The following PTPRK variants were observed in gnomAD, a reference collection of about 807,000 sequenced individuals.
PTPRK encodes the protein receptor-type tyrosine-protein phosphatase kappa.
PTPRK carries 75 observed loss-of-function variants against 178.0 expected under a neutral mutation model. The observed-to-expected ratio is 0.42, with a 90% confidence interval of 0.35 to 0.51. The LOEUF (loss-of-function observed/expected upper bound fraction) is 0.51, where lower values mean the gene tolerates loss of function less well. Among genes scored for constraint, PTPRK ranks in the 20% least tolerant of loss-of-function variants. The pLI, the probability that PTPRK is intolerant of heterozygous loss-of-function variation, is 0.02. For missense variants in PTPRK, 1,441 were observed against 1,797.8 expected (o/e 0.80, Z 3.59); for synonymous variants, 637 against 620.6 (o/e 1.03, Z -0.39).
At chr6:128,450,216 T>A (rs1847610274) in intron 1 of PTPRK, among the ~76,000 whole-genome samples, 1 of 152,122 alleles carries the variant, frequency 6.6e-6, no homozygotes, top group Non-Finnish European at 1.5e-5. Flanking sequence ...GCCACCTGCT[T>A]AAACCATATT....
In PTPRK at chr6:128,030,758, T is replaced by C. The variant is rs532002257; in HGVS notation, c.2195-21490A>G. Among the ~76,000 whole-genome samples, 5 of 152,194 alleles carry C rather than the reference T, an allele frequency of 3.3e-5. No homozygotes were observed. The East Asian group carries it at 5.8e-4, about 18-fold the overall frequency. On this transcript the variant is annotated intron_variant, in intron 13 of 29. Coordinates refer to ENST00000368226, the MANE Select transcript of PTPRK (RefSeq NM_002844.4). ...TTGTGCACATCAGGCTTGCTTTTTT[T>C]CCCCCAAGTCAGAAATCAAGTTCAA...
intron 6 of PTPRK, among the ~76,000 whole-genome samples, chr6:128,208,342 T>C (rs536919433): frequency 7.3e-4 from 110 of 150,804 alleles, no homozygotes; most frequent in African/African-American, 2.2e-3. Context: ...CTTTAAAACA[T>C]TGATGTAGGA....
chr6:127,998,537 T>G (rs973628235), intron 16 of PTPRK, among the ~76,000 whole-genome samples, 183 bp downstream of exon 16: 1 of 151,978 alleles, frequency 6.6e-6, no homozygotes, highest in Non-Finnish European at 1.5e-5. Context: ...GGGAAGTGCT[T>G]TTTTCCCCAT....
At chr6:128,169,673 C>T (rs1253760804) in intron 7 of PTPRK, among the ~76,000 whole-genome samples, 1 of 151,888 alleles carries the variant, frequency 6.6e-6, no homozygotes, top group African/African-American at 2.4e-5. Context: ...ACACAAATAA[C>T]TTTAATGGCT....
At chr6:128,357,713 T>A (rs1266864794) in intron 2 of PTPRK, among the ~76,000 whole-genome samples, 1 of 152,268 alleles carries the variant, frequency 6.6e-6, no homozygotes, top group Non-Finnish European at 1.5e-5. Flanking sequence ...TCTTTGTTTT[T>A]CAAAATGATA....
At chr6:128,119,788 C>A (rs1403362120) in intron 7 of PTPRK, among the ~76,000 whole-genome samples, 1 of 151,908 alleles carries the variant, frequency 6.6e-6, no homozygotes, top group Non-Finnish European at 1.5e-5. Flanking sequence ...AATATTTATG[C>A]TAGATATTCT....
At chr6:128,497,964 T>C (rs1370951637) in intron 1 of PTPRK, among the ~76,000 whole-genome samples, 1 of 152,164 alleles carries the variant, frequency 6.6e-6, no homozygotes, top group African/African-American at 2.4e-5. Context: ...GGTTGACTAA[T>C]ATGCATCCTT....
intron 6 of PTPRK, among the ~76,000 whole-genome samples, chr6:128,202,120 A>G (rs1806070743): frequency 1.3e-5 from 2 of 152,188 alleles, no homozygotes; most frequent in African/African-American, 2.4e-5. Context: ...GAGTGAATTC[A>G]GCATCTTCCA....
intron 3 of PTPRK, among the ~76,000 whole-genome samples, chr6:128,247,825 A>G (rs1815759222): frequency 2.0e-5 from 3 of 152,202 alleles, no homozygotes; most frequent in African/African-American, 7.2e-5. Flanking sequence ...ATGTACTAAA[A>G]TTATATTTCT....
chr6:128,147,831 T>C (rs1796705296), intron 7 of PTPRK, among the ~76,000 whole-genome samples: 1 of 152,184 alleles, frequency 6.6e-6, no homozygotes, highest in Non-Finnish European at 1.5e-5. Flanking sequence ...TAATATAAGT[T>C]TACAAGTGTC....
chr6:128,241,434 C>CA (rs1814432841), intron 4 of PTPRK: 2 of 400,614 alleles, frequency 5.0e-6, no homozygotes, highest in Non-Finnish European at 9.9e-6. Flanking sequence ...TTCCGAAGCA[C>CA]ACTAGAGTTT....
chr6:128,231,740 A>C (rs1206932685), intron 5 of PTPRK, among the ~76,000 whole-genome samples: 2 of 152,230 alleles, frequency 1.3e-5, no homozygotes, highest in African/African-American at 4.8e-5. Context: ...GAAAGAGGTA[A>C]AAAGTAAAAC....
chr6:128,254,167 T>A (rs1413917903), intron 3 of PTPRK, among the ~76,000 whole-genome samples: 1 of 152,172 alleles, frequency 6.6e-6, no homozygotes, highest in Non-Finnish European at 1.5e-5. Flanking sequence ...TTTGTAAGAG[T>A]AACTAGTTTG....
At chr6:128,206,389 T>A (rs372496146) in intron 6 of PTPRK, among the ~76,000 whole-genome samples, 63 of 126,890 alleles carry the variant, frequency 5.0e-4, no homozygotes, top group African/African-American at 1.8e-3. Flanking sequence ...ATGCTGCTAA[T>A]AATAAAGGGT....
intron 2 of PTPRK, among the ~76,000 whole-genome samples, chr6:128,340,362 G>A (rs765531953): frequency 6.6e-6 from 1 of 152,152 alleles, no homozygotes; most frequent in Non-Finnish European, 1.5e-5. Flanking sequence ...TCAGACACCA[G>A]TCTCAGTAAA....
At chr6:128,109,768 C>T (rs756870348) in intron 7 of PTPRK, among the ~76,000 whole-genome samples, 2 of 152,116 alleles carry the variant, frequency 1.3e-5, no homozygotes, top group African/African-American at 4.8e-5. Flanking sequence ...GTAAAGCAAA[C>T]AACTGTTTAT....
intron 13 of PTPRK, among the ~76,000 whole-genome samples, chr6:128,039,714 T>C (rs1205867933): frequency 1.3e-5 from 2 of 152,182 alleles, no homozygotes; most frequent in African/African-American, 4.8e-5. Context: ...TCACAGCTCA[T>C]GATTTAACAC....
At chr6:127,999,710 G>C (rs1777572363) in intron 15 of PTPRK, among the ~76,000 whole-genome samples, 1 of 151,828 alleles carries the variant, frequency 6.6e-6, no homozygotes, top group Non-Finnish European at 1.5e-5. Context: ...CATTTCACTT[G>C]CTCTATATTT....
intron 6 of PTPRK, among the ~76,000 whole-genome samples, chr6:128,218,384 ATTC>A (rs1312451803): frequency 1.2e-4 from 18 of 152,250 alleles, no homozygotes; most frequent in African/African-American, 3.9e-4. Flanking sequence ...AATCCCTGAC[ATTC>A]TTCTAGTAAC....
Sources: gnomAD v4.1 joint callset for allele counts (sites outside exome capture counted in the v4.1 genomes callset) on GRCh38, gnomAD v4.1.1 for gene constraint, MANE v1.5 for transcripts, NCBI Gene and HGNC (gene_info 2026-07-23, HGNC 2026-07-21) for gene names.